The following VIPR1 variants were observed in gnomAD, a reference collection of about 807,000 sequenced individuals.
VIPR1 encodes the protein vasoactive intestinal polypeptide receptor 1.
A neutral mutation model predicts 58.8 loss-of-function variants in VIPR1; 59 were observed. The observed-to-expected ratio is 1.00, with a 90% confidence interval of 0.81 to 1.25. The LOEUF is 1.25. VIPR1 is among the 50% of genes most tolerant of loss of function. The probability of loss-of-function intolerance (pLI) is 0.00; values close to 1 mark genes in which losing one functional copy is unlikely to be tolerated. For synonymous variants in VIPR1, 251 were observed against 242.1 expected (o/e 1.04, Z -0.34); for missense variants, 626 against 602.7 (o/e 1.04, Z -0.40).
In VIPR1 at chr3:42,537,187, C is replaced by T. The variant is rs1046348591; in HGVS notation, c.*906C>T. ...TTGTAACTAGGCTCAGAGATGTGCA[C>T]CCATGGGCTCTGACAGAAAGCAGAT... On this transcript the variant is annotated 3_prime_UTR_variant, in exon 13 of 13. Coordinates refer to ENST00000325123, the MANE Select transcript of VIPR1 (RefSeq NM_004624.4). 1.3e-5 allele frequency: 2 copies of T among 152,234 alleles called. No homozygotes were observed. The highest frequency in any genetic ancestry group is 6.5e-5 in the Admixed American group (1 of 15,292). The allele number at this position is 152,234 out of a possible 1,614,324, so 9.4% of individuals were successfully genotyped here. A position where few individuals can be genotyped will look rare whatever the true frequency, so the allele number is the denominator to read the frequency against.
chr3:42,535,112 C>T lies in VIPR1; in HGVS notation c.1140+8C>T, dbSNP rs773765567. On this transcript the variant is annotated splice_region_variant and intron_variant, in intron 11 of 12. Coordinates refer to ENST00000325123, the MANE Select transcript of VIPR1 (RefSeq NM_004624.4). ...GTCGTGGGGTCTTTCCAGGTATGGG[C>T]TGTTGACTTAAGGCTGCATTCTTCC... 5.0e-6 allele frequency: 8 copies of T among 1,614,062 alleles called. No homozygotes were observed. The highest frequency in any genetic ancestry group is 2.2e-5 in the East Asian group (1 of 44,896).
intron 3 of VIPR1, among the ~76,000 whole-genome samples, chr3:42,524,950 A>G (rs997710796): frequency 4.6e-5 from 7 of 152,184 alleles, no homozygotes; most frequent in African/African-American, 1.7e-4. Flanking sequence ...AAAGTGCTTG[A>G]CCAGCACTGA....
chr3:42,535,151 G>A, intron 11 of VIPR1, 47 bp downstream of exon 11: 2 of 1,613,052 alleles, frequency 1.2e-6, no homozygotes, highest in Non-Finnish European at 1.7e-6. Flanking sequence ...GCTTTTAAGG[G>A]AATTCAACCT....
At chr3:42,522,743 G>A (rs145271146) in intron 3 of VIPR1, among the ~76,000 whole-genome samples, 128 of 152,306 alleles carry the variant, frequency 8.4e-4, no homozygotes, top group African/African-American at 2.6e-3. Flanking sequence ...GGGAGATGAG[G>A]TGGTGGTGGT....
chr3:42,515,744 C>T (rs1241548863), intron 2 of VIPR1, among the ~76,000 whole-genome samples: 1 of 152,194 alleles, frequency 6.6e-6, no homozygotes, highest in African/African-American at 2.4e-5. Flanking sequence ...TGCGTCTGTG[C>T]CTCTGGGGTC....
intron 3 of VIPR1, 57 bp from the exon 4 acceptor site, chr3:42,525,830 G>A (rs2125666492): frequency 2.0e-6 from 3 of 1,502,128 alleles, no homozygotes; most frequent in East Asian, 4.9e-5. Flanking sequence ...AGCAGAGACA[G>A]CCAGGTCCCC....
At chr3:42,518,247 C>T (rs1700732095) in intron 2 of VIPR1, among the ~76,000 whole-genome samples, 1 of 152,040 alleles carries the variant, frequency 6.6e-6, no homozygotes, top group Non-Finnish European at 1.5e-5. Flanking sequence ...GTGAGGCCTA[C>T]AAATGCAGAC....
upstream of VIPR1, chr3:42,501,938 C>T (rs1437468660): frequency 6.6e-6 from 1 of 152,192 alleles, no homozygotes; most frequent in African/African-American, 2.4e-5. The surrounding 1 kb of genome is among the most constrained non-coding windows in gnomAD (Gnocchi z 4.8). Context: ...AGCAGGTCTC[C>T]CGAGGCTTGA....
chr3:42,514,561 A>G (rs1700529527), intron 2 of VIPR1, among the ~76,000 whole-genome samples: 1 of 151,628 alleles, frequency 6.6e-6, no homozygotes, highest in African/African-American at 2.4e-5. Context: ...ACACACACAC[A>G]CACACACACA....
At position 42,535,110 on chromosome 3, in the gene VIPR1, G is replaced by C; in HGVS notation, c.1140+6G>C. 6.2e-7 allele frequency: 1 copy of C among 1,614,182 alleles called. No homozygotes were observed. On this transcript the variant is annotated splice_donor_region_variant and intron_variant, in intron 11 of 12. Transcript: ENST00000325123. ...TCGTCGTGGGGTCTTTCCAGGTATGGGCTGTTGACTTAAGGCTGCATTCTT... is the reference window on the plus strand; with the variant it reads ...TCGTCGTGGGGTCTTTCCAGGTATGCGCTGTTGACTTAAGGCTGCATTCTT...
At chr3:42,493,009 C>T (rs940326673) in intron 1 of VIPR1, among the ~76,000 whole-genome samples, 4 of 152,240 alleles carry the variant, frequency 2.6e-5, no homozygotes, top group Admixed American at 2.0e-4. Context: ...GAACAAACCA[C>T]GCAGGAACCC....
intron 2 of VIPR1, among the ~76,000 whole-genome samples, 178 bp downstream of exon 2, chr3:42,514,032 G>A (rs2278215): frequency 0.17 from 25,324 of 152,186 alleles, 2,643 homozygotes; most frequent in South Asian, 0.3. Context: ...CCCACCCCAG[G>A]TCTGGGGAGC....
At chr3:42,493,390 G>C (rs1245014236) in intron 1 of VIPR1, among the ~76,000 whole-genome samples, 1 of 152,214 alleles carries the variant, frequency 6.6e-6, no homozygotes, top group Non-Finnish European at 1.5e-5. Flanking sequence ...GCCGAGCATG[G>C]GGCTGGCACT....
At chr3:42,520,579 T>C (rs1344645743) in intron 3 of VIPR1, among the ~76,000 whole-genome samples, 1 of 151,764 alleles carries the variant, frequency 6.6e-6, no homozygotes, top group Non-Finnish European at 1.5e-5. Flanking sequence ...ACCCTAGGCT[T>C]AGGTTTAATG....
rs1364327369 is a variant in VIPR1, at chr3:42,530,862, G to T, written c.720G>T (p.Leu240=). The T allele has an allele frequency of 6.2e-7, 1 of 1,614,100 alleles. No individual in the cohort carries two copies. Among genetic ancestry groups the T allele is most frequent in the East Asian group, 2.2e-5 (1 of 44,888 alleles). Residue 240 remains leucine (L), a synonymous_variant, in exon 7 of 13, where the codon CTG becomes CTT. Transcript: ENST00000325123. ...GGCTGCTGGTGGAGGGCCTCTACCT[G>T]TACACCCTGCTTGCCGTCTCCTTCT... ...FFWLLVEGLY[L]YTLLAVSFFS...
chr3:42,531,305 C>A, intron 7 of VIPR1, 166 bp from the exon 8 acceptor site: 1 of 702,794 alleles, frequency 1.4e-6, no homozygotes, highest in Non-Finnish European at 2.5e-6. Context: ...CTCAGTGGAG[C>A]ATCCCTCCGT....
intron 2 of VIPR1, 93 bp from the exon 3 acceptor site, chr3:42,519,130 G>T (rs576489921): frequency 1.9e-6 from 2 of 1,028,052 alleles, no homozygotes; most frequent in African/African-American, 1.7e-5. Flanking sequence ...CCTGGCAGAG[G>T]GAGGAAGAGA....
intron 3 of VIPR1, among the ~76,000 whole-genome samples, chr3:42,521,962 G>T (rs890607767): frequency 1.3e-5 from 2 of 150,246 alleles, no homozygotes; most frequent in Admixed American, 1.3e-4. Flanking sequence ...TGGCCAGGCT[G>T]GTCTTGAACT....
Position 42,526,992 on chromosome 3 carries a change from G to A in VIPR1, c.400-401G>A, listed in dbSNP as rs571516743. On this transcript the variant is annotated intron_variant, in intron 4 of 12. Coordinates refer to ENST00000325123, the MANE Select transcript of VIPR1 (RefSeq NM_004624.4). Reference sequence around the variant, plus strand: ...CCTCCCTATACAGAGACAGGGCCTCGAGGGGTGTCTGAAGGGCAAGCAGAC... The same window carrying A: ...CCTCCCTATACAGAGACAGGGCCTCAAGGGGTGTCTGAAGGGCAAGCAGAC... Among the ~76,000 whole-genome samples, 3 of 152,182 alleles carry A rather than the reference G, an allele frequency of 2.0e-5. No homozygotes were observed. The East Asian group carries it at 5.8e-4, about 29-fold the overall frequency.
Sources: gnomAD v4.1 joint callset for allele counts (sites outside exome capture counted in the v4.1 genomes callset) on GRCh38, gnomAD v4.1.1 for gene constraint, Gnocchi (gnomAD v3.1) non-coding constraint, MANE v1.5 for transcripts, NCBI Gene and HGNC (gene_info 2026-07-23, HGNC 2026-07-21) for gene names.